Variants in MAX observed in about 807,000 individuals in gnomAD.
The protein encoded by MAX is MYC associated transcriptional regulator X, also known as protein max.
Under a neutral mutation model 22.3 loss-of-function variants are expected in MAX, and 3 were observed. The observed-to-expected ratio is 0.13, with a 90% CI of 0.06 to 0.35. The LOEUF (loss-of-function observed/expected upper bound fraction) is 0.35, where lower values mean the gene tolerates loss of function less well. Among genes scored for constraint, MAX ranks in the 10% least tolerant of loss-of-function variants. The pLI is 1.00. For missense variants in MAX, 119 were observed against 209.4 expected (o/e 0.57, Z 2.66); for synonymous variants, 72 against 77.7 (o/e 0.93, Z 0.39).
At chr14:65,066,594 C>G (rs2062932910) in intron 3 of MAX, among the ~76,000 whole-genome samples, 1 of 152,102 alleles carries the variant, frequency 6.6e-6, no homozygotes, top group South Asian at 2.1e-4. Flanking sequence ...GTGGCTCACG[C>G]CTGTAATCCC....
At chr14:65,081,945 T>G (rs576656155) in intron 3 of MAX, 2 of 152,302 alleles carry the variant, frequency 1.3e-5, no homozygotes, top group South Asian at 4.1e-4. Flanking sequence ...CCTTGCGAGA[T>G]CTTGCTCCAA....
chr14:65,061,508 T>C (rs1379457910), intron 3 of MAX: 5 of 999,230 alleles, frequency 5.0e-6, no homozygotes, highest in Non-Finnish European at 5.6e-6. Context: ...AAAAATTCTT[T>C]CCACACCTGT....
chr14:65,017,361 G>GA (rs1417588605), intron 3 of MAX, among the ~76,000 whole-genome samples: 1 of 152,092 alleles, frequency 6.6e-6, no homozygotes, highest in African/African-American at 2.4e-5. Flanking sequence ...AGAGAAGAAA[G>GA]AAAAAATGGG....
At position 65,060,942 on chromosome 14, in the gene MAX, G is replaced by GT. The variant is rs527358346; in HGVS notation, c.171+32765dup. Among the ~76,000 whole-genome samples the GT allele has an allele frequency of 2.1e-3, 302 of 143,428 alleles. 1 individual carries two copies. The highest frequency in any genetic ancestry group is 7.6e-3 in the African/African-American group (293 of 38,542). 94.1% of individuals were successfully genotyped at this position (143,428 alleles called of 152,430 possible). ...ATACTGTTTTCTCACATAATATGTTGTAAGTATTTGCCTGTATCGTTAAAT... is the reference window on the plus strand; with the variant it reads ...ATACTGTTTTCTCACATAATATGTTGTTAAGTATTTGCCTGTATCGTTAAAT... On this transcript the variant is annotated intron_variant, in intron 3 of 3. Coordinates refer to the MAX transcript ENST00000341653.
At chr14:65,045,373 T>G in intron 3 of MAX, among the ~76,000 whole-genome samples, 2 of 151,724 alleles carry the variant, frequency 1.3e-5, no homozygotes, top group Admixed American at 6.6e-5. Context: ...CCCCTCCCCA[T>G]ACTTTTTTTT....
intron 3 of MAX, among the ~76,000 whole-genome samples, chr14:65,034,498 G>A (rs751655871): frequency 9.9e-5 from 15 of 152,250 alleles, no homozygotes; most frequent in Non-Finnish European, 1.8e-4. Context: ...TCTGAATTTT[G>A]TAAGCATTGC....
intron 3 of MAX, among the ~76,000 whole-genome samples, chr14:65,018,760 A>G (rs1489262612): frequency 6.7e-6 from 1 of 149,732 alleles, no homozygotes; most frequent in Non-Finnish European, 1.5e-5. Context: ...CGACGAGCCA[A>G]GATCATGCCA....
downstream of MAX, among the ~76,000 whole-genome samples, chr14:65,071,758 A>G (rs2062989970): frequency 6.6e-6 from 1 of 152,082 alleles, no homozygotes; most frequent in South Asian, 2.1e-4. The surrounding 1 kb of genome is among the most constrained non-coding windows in gnomAD (Gnocchi z 4.2). Context: ...CCTTCCCAAC[A>G]CCGACCCCAA....
upstream of MAX, chr14:65,102,595 G>A (rs2063884851): frequency 1.4e-6 from 2 of 1,409,044 alleles, no homozygotes; most frequent in Admixed American, 2.9e-5. Context: ...TGGGGCAGCC[G>A]AGACTTGTAG....
intron 3 of MAX, among the ~76,000 whole-genome samples, chr14:65,050,057 AG>A (rs2062572677): frequency 6.6e-6 from 1 of 152,194 alleles, no homozygotes; most frequent in South Asian, 2.1e-4. Context: ...AGGAGCAAAA[AG>A]GAGAAAATAG....
At chr14:65,036,068 A>G (rs2062184146) in intron 3 of MAX, among the ~76,000 whole-genome samples, 1 of 151,992 alleles carries the variant, frequency 6.6e-6, no homozygotes, top group South Asian at 2.1e-4. Flanking sequence ...CCTGGTTTCA[A>G]GCAATCTTCC....
chr14:65,033,400 A>G (rs906821141), intron 3 of MAX, among the ~76,000 whole-genome samples: 5 of 152,206 alleles, frequency 3.3e-5, no homozygotes, highest in African/African-American at 1.2e-4. Context: ...CTGAGGGGAG[A>G]GCAAAGGAAA....
Position 65,040,871 on chromosome 14 carries a change from G to A in MAX, c.172-34587C>T, listed in dbSNP as rs760464029. On this transcript the variant is annotated intron_variant, in intron 3 of 3. Coordinates refer to the MAX transcript ENST00000341653. ...GCTATACCTTCTGTGGCCTGGCCGC[G>A]CTGGTAATCCTCAAGAGGGAACGTT... The A allele has an allele frequency of 2.4e-5, 39 of 1,613,876 alleles. 1 individual carries two copies. In the South Asian group the frequency reaches 3.0e-4, roughly 12 times the overall value.
At chr14:65,102,624 A>G (rs1280244839), upstream of MAX, 10 of 1,241,846 alleles carry the variant, frequency 8.1e-6, no homozygotes, top group African/African-American at 1.5e-5. Context: ...CCTCTAACAG[A>G]CGGCCCGGGT....
intron 3 of MAX, among the ~76,000 whole-genome samples, chr14:65,059,843 T>TTC (rs2062821294): frequency 6.7e-6 from 1 of 150,140 alleles, no homozygotes; most frequent in African/African-American, 2.4e-5. Context: ...TTTTCTTTTT[T>TTC]TTTTTTTTTT....
intron 3 of MAX, among the ~76,000 whole-genome samples, chr14:65,021,376 C>T (rs2061883279): frequency 1.3e-5 from 2 of 152,158 alleles, no homozygotes; most frequent in African/African-American, 4.8e-5. Context: ...TATCCTTTCC[C>T]TTTCAAAAGG....
intron 3 of MAX, among the ~76,000 whole-genome samples, chr14:65,018,097 T>A (rs2061814297): frequency 6.6e-6 from 1 of 152,146 alleles, no homozygotes; most frequent in South Asian, 2.1e-4. Flanking sequence ...ACCCCAGCAC[T>A]TTGGGAGGCC....
At chr14:65,083,227 T>C (rs530596362) in intron 3 of MAX, among the ~76,000 whole-genome samples, 14 of 152,166 alleles carry the variant, frequency 9.2e-5, no homozygotes, top group African/African-American at 3.1e-4. Flanking sequence ...TTGAACAGCA[T>C]CCACCCACCC....
rs1486254777 is a variant in MAX at position 65,007,711 on chromosome 14, C to A, written c.172-1427G>T. Reference sequence around the variant, plus strand: ...TCCCATGAAAATTCATTTTTTCTTCCCTGTGGGTATTGTCACGGTTTCACA... The same window carrying A: ...TCCCATGAAAATTCATTTTTTCTTCACTGTGGGTATTGTCACGGTTTCACA... On this transcript the variant is annotated intron_variant, in intron 3 of 3. Coordinates refer to the MAX transcript ENST00000341653. This position sits in a 1 kb window ranked among gnomAD's most constrained non-coding sequence, Gnocchi z 4.9. 6.6e-6 allele frequency among the ~76,000 whole-genome samples: 1 copy of A among 151,992 alleles called. No homozygotes were observed. The highest frequency in any genetic ancestry group is 2.4e-5 in the African/African-American group (1 of 41,392).
Sources: gnomAD v4.1 joint callset for allele counts (sites outside exome capture counted in the v4.1 genomes callset) on GRCh38, gnomAD v4.1.1 for gene constraint, Gnocchi (gnomAD v3.1) non-coding constraint, MANE v1.5 for transcripts, NCBI Gene and HGNC (gene_info 2026-07-23, HGNC 2026-07-21) for gene names.